Variants in CHIC1 observed in about 807,000 individuals in gnomAD.
The protein encoded by CHIC1 is cysteine-rich hydrophobic domain-containing protein 1.
In CHIC1, 7 loss-of-function variants were observed where a neutral mutation model predicts 18.5. That is an observed-to-expected ratio of 0.38 (90% CI 0.22 to 0.71). CHIC1 has a LOEUF of 0.71. CHIC1 is among the 30% of genes least tolerant of loss of function. The pLI, the probability that CHIC1 is intolerant of heterozygous loss-of-function variation, is 0.49. For synonymous variants in CHIC1, 77 were observed against 73.5 expected (o/e 1.05, Z -0.25); for missense variants, 159 against 176.9 (o/e 0.90, Z 0.57).
At chrX:73,678,113 G>C (rs2058079284) in intron 3 of CHIC1, among the ~76,000 whole-genome samples, 1 of 109,909 alleles carries the variant, frequency 9.1e-6, no homozygotes, top group South Asian at 3.9e-4. Context: ...CTATAATTTT[G>C]GTTGGGTAGG....
intron 3 of CHIC1, among the ~76,000 whole-genome samples, chrX:73,641,528 T>C (rs762508898): frequency 4.5e-5 from 5 of 111,167 alleles, no homozygotes; most frequent in Non-Finnish European, 7.5e-5. Flanking sequence ...AATTTCATTA[T>C]TATTATACTT....
chrX:73,654,034 C>T (rs1234348392), intron 3 of CHIC1, among the ~76,000 whole-genome samples: 1 of 111,926 alleles, frequency 8.9e-6, no homozygotes, highest in East Asian at 2.8e-4. Context: ...ATATTTCTTC[C>T]TTTTGCCTTA....
At chrX:73,668,981 C>A (rs2058017456) in intron 3 of CHIC1, among the ~76,000 whole-genome samples, 1 of 112,957 alleles carries the variant, frequency 8.9e-6, no homozygotes, top group African/African-American at 3.2e-5. Flanking sequence ...CCTGCCTCGC[C>A]CCTCAGGCAT....
At position 73,684,479 on chromosome X, in the gene CHIC1, G is replaced by T. The variant is rs1042784288; in HGVS notation, c.*3474G>T. ...CTTTTATTTTGTTTACAAATAAGCTGCCATTTAAAAAAATAAAACCTCACT... is the reference window on the plus strand; with the variant it reads ...CTTTTATTTTGTTTACAAATAAGCTTCCATTTAAAAAAATAAAACCTCACT... On this transcript the variant is annotated 3_prime_UTR_variant, in exon 6 of 6. Transcript: ENST00000373502. The T allele has an allele frequency of 5.4e-4, 60 of 110,977 alleles. No individual in the cohort carries two copies. Among genetic ancestry groups the T allele is most frequent in the Non-Finnish European group, 7.4e-4 (39 of 52,750 alleles). The allele number at this position is 110,977 out of a possible 1,213,427, so 9.1% of individuals were successfully genotyped here.
intron 3 of CHIC1, among the ~76,000 whole-genome samples, chrX:73,601,323 C>T (rs1294755157): frequency 9.4e-6 from 1 of 106,043 alleles, no homozygotes; most frequent in Non-Finnish European, 1.9e-5. Context: ...AAGCTCTCCT[C>T]AGCAAATGTA....
intron 3 of CHIC1, among the ~76,000 whole-genome samples, chrX:73,656,221 T>C (rs1482541043): frequency 8.9e-6 from 1 of 111,851 alleles, no homozygotes; most frequent in Non-Finnish European, 1.9e-5. Context: ...GATGGATGGA[T>C]TGCAAAAATT....
intron 3 of CHIC1, among the ~76,000 whole-genome samples, chrX:73,658,953 G>A (rs1025963359): frequency 8.9e-6 from 1 of 111,909 alleles, no homozygotes; most frequent in Non-Finnish European, 1.9e-5. Context: ...CTGGCCGTGT[G>A]GCTAGGGGAC....
intron 1 of CHIC1, among the ~76,000 whole-genome samples, chrX:73,572,364 T>C (rs1232200253): frequency 9.0e-6 from 1 of 110,991 alleles, no homozygotes; most frequent in Non-Finnish European, 1.9e-5. Flanking sequence ...AGTCCGCCAT[T>C]GATGGACCCC....
At chrX:73,674,909 T>C (rs1310771653) in intron 3 of CHIC1, among the ~76,000 whole-genome samples, 3 of 111,959 alleles carry the variant, frequency 2.7e-5, no homozygotes, top group Non-Finnish European at 3.8e-5. Flanking sequence ...GCTTTGAATG[T>C]GTCCCAGAGA....
At chrX:73,673,071 A>C (rs187117762) in intron 3 of CHIC1, among the ~76,000 whole-genome samples, 40 of 111,311 alleles carry the variant, frequency 3.6e-4, no homozygotes, top group Non-Finnish European at 6.2e-4. Context: ...GATGTGCGGC[A>C]TTATTTCTGA....
chrX:73,580,043 CA>C (rs35729138), intron 2 of CHIC1, among the ~76,000 whole-genome samples: 2 of 109,963 alleles, frequency 1.8e-5, no homozygotes, highest in South Asian at 7.6e-4. Flanking sequence ...AATGAATAAT[CA>C]AAAAAATATG....
intron 1 of CHIC1, among the ~76,000 whole-genome samples, chrX:73,574,004 C>T (rs1462343849): frequency 2.7e-5 from 3 of 109,286 alleles, no homozygotes; most frequent in Non-Finnish European, 5.8e-5. Flanking sequence ...TTTTCTTGTT[C>T]CAGTTCTCAA....
chrX:73,642,933 A>G (rs1470796680), intron 3 of CHIC1, among the ~76,000 whole-genome samples: 2 of 110,273 alleles, frequency 1.8e-5, no homozygotes, highest in Non-Finnish European at 3.8e-5. Context: ...GCCTTGTAGT[A>G]TAGTTTGAAG....
At chrX:73,664,604 A>T (rs963681508) in intron 3 of CHIC1, among the ~76,000 whole-genome samples, 10 of 111,585 alleles carry the variant, frequency 9.0e-5, no homozygotes, top group Non-Finnish European at 1.9e-4. Context: ...TAACCAATTG[A>T]TAAATTCAAC....
At chrX:73,628,591 C>G (rs1297513937) in intron 3 of CHIC1, among the ~76,000 whole-genome samples, 1 of 111,440 alleles carries the variant, frequency 9.0e-6, no homozygotes, top group Non-Finnish European at 1.9e-5. Context: ...TGTTCAGTGC[C>G]TCACACTTGC....
intron 3 of CHIC1, among the ~76,000 whole-genome samples, chrX:73,605,202 A>G (rs901945048): frequency 9.2e-6 from 1 of 108,280 alleles, no homozygotes; most frequent in Non-Finnish European, 1.9e-5. Context: ...GTGCATATAT[A>G]TTTAGGATGG....
intron 3 of CHIC1, among the ~76,000 whole-genome samples, chrX:73,614,620 C>A (rs745740218): frequency 2.7e-5 from 3 of 109,513 alleles, no homozygotes; most frequent in Admixed American, 9.8e-5. Context: ...TCTTTATGTT[C>A]TGAAATTATT....
intron 3 of CHIC1, among the ~76,000 whole-genome samples, chrX:73,678,789 T>C (rs1174587404): frequency 2.7e-5 from 3 of 112,102 alleles, no homozygotes; most frequent in African/African-American, 9.7e-5. Context: ...TTTTAACATG[T>C]TCTTTTCAGT....
chrX:73,668,154 G>T (rs2058013217), intron 3 of CHIC1, among the ~76,000 whole-genome samples: 1 of 111,861 alleles, frequency 8.9e-6, no homozygotes, highest in African/African-American at 3.3e-5. Flanking sequence ...GGTCTACTTT[G>T]CCATTAATAC....
Sources: gnomAD v4.1 joint callset for allele counts (sites outside exome capture counted in the v4.1 genomes callset) on GRCh38, gnomAD v4.1.1 for gene constraint, MANE v1.5 for transcripts, NCBI Gene and HGNC (gene_info 2026-07-23, HGNC 2026-07-21) for gene names.